Variants in FRYL observed in about 807,000 individuals in gnomAD.
The protein encoded by FRYL is protein furry homolog-like.
A neutral mutation model predicts 351.2 loss-of-function variants in FRYL; 150 were observed. That is an observed-to-expected ratio of 0.43 (90% CI 0.37 to 0.49). The LOEUF (loss-of-function observed/expected upper bound fraction) is 0.49. Among genes scored for constraint, FRYL ranks in the 20% least tolerant of loss-of-function variants. The probability of loss-of-function intolerance (pLI) is 0.00; values close to 1 mark genes in which losing one functional copy is unlikely to be tolerated. For synonymous variants in FRYL, 1,153 were observed against 1,257.1 expected (o/e 0.92, Z 1.75); for missense variants, 3,036 against 3,619.3 (o/e 0.84, Z 4.13).
Position 48,619,277 on chromosome 4 carries a change from C to A in FRYL, c.408G>T (p.Lys136Asn). 1 of 1,595,412 alleles carries A rather than the reference C, an allele frequency of 6.3e-7. No homozygotes were observed. Among genetic ancestry groups the A allele is most frequent in the Non-Finnish European group, 8.6e-7 (1 of 1,164,680 alleles). The change falls in exon 7 of 64, where the codon AAG (lysine) becomes AAT (asparagine). Residue 136 changes from lysine (K) to asparagine (N), a missense_variant. By Grantham distance (94) the Lys-to-Asn change is moderately conservative. This residue lies in a region of FRYL where 457 missense variants were observed against 566.6 expected (regional missense o/e 0.81). Transcript: ENST00000358350. ...TTGCAGAAATAAAAGAGCTTACCTG[C>A]TTTAGAACTTCAACTAAAACTAAAC... Reference protein sequence around the residue: ...IFCLVLVEVLKQIPVHPVPDP... With the variant: ...IFCLVLVEVLNQIPVHPVPDP...
intron 1 of FRYL, among the ~76,000 whole-genome samples, chr4:48,778,583 C>G (rs1315397025): frequency 6.6e-6 from 1 of 152,186 alleles, no homozygotes; most frequent in African/African-American, 2.4e-5. Flanking sequence ...CTTATGAAAA[C>G]ATTCTTCACT....
chr4:48,529,907 T>C (rs1226276750), intron 50 of FRYL, among the ~76,000 whole-genome samples: 1 of 152,212 alleles, frequency 6.6e-6, no homozygotes, highest in Non-Finnish European at 1.5e-5. Flanking sequence ...CCTTCTGGAC[T>C]GATGGCCCCT....
intron 1 of FRYL, among the ~76,000 whole-genome samples, chr4:48,776,720 T>C (rs1161610253): frequency 4.6e-5 from 7 of 152,206 alleles, no homozygotes; most frequent in Admixed American, 3.9e-4. Context: ...TGTCACTATG[T>C]AACAATAGTT....
chr4:48,562,766 C>T (rs1735812737), intron 32 of FRYL, 123 bp downstream of exon 32: 15 of 608,676 alleles, frequency 2.5e-5, no homozygotes, highest in Non-Finnish European at 3.2e-5. Context: ...GCCTTGATAC[C>T]ATAACTTCTT....
At chr4:48,734,863 A>C (rs1317709190) in intron 1 of FRYL, among the ~76,000 whole-genome samples, 1 of 152,196 alleles carries the variant, frequency 6.6e-6, no homozygotes, top group Non-Finnish European at 1.5e-5. Flanking sequence ...AAACCATAAA[A>C]ACTCTAGAAG....
Position 48,575,215 on chromosome 4 carries a change from G to C in FRYL, c.2748C>G (p.Ser916=), listed in dbSNP as rs1450938168. 6.2e-7 allele frequency: 1 copy of C among 1,613,544 alleles called. No homozygotes were observed. Among genetic ancestry groups the C allele is most frequent in the Non-Finnish European group, 8.5e-7 (1 of 1,179,616 alleles). ...TCATTGGAACTATGTGCTTAAACAA[G>C]GATGAAGGGGATGGGATGCCAATAA... ...SKIIGIPSPS[S]LFKHIVPMMR... The change falls in exon 25 of 64, where the codon TCC becomes TCG. Residue 916 remains serine, a synonymous_variant. Coordinates refer to ENST00000358350, the MANE Select transcript of FRYL (RefSeq NM_015030.2).
intron 4 of FRYL, among the ~76,000 whole-genome samples, chr4:48,626,576 CTA>C (rs1161404178): frequency 6.6e-6 from 1 of 151,938 alleles, no homozygotes; most frequent in Middle Eastern, 3.2e-3. Flanking sequence ...CCCTAACTTA[CTA>C]TATATATTCA....
intron 47 of FRYL, among the ~76,000 whole-genome samples, chr4:48,539,713 T>C (rs187234612): frequency 6.6e-6 from 1 of 152,206 alleles, no homozygotes; most frequent in Admixed American, 6.5e-5. Context: ...GAGGCAGAAG[T>C]ATGGAAAAAG....
chr4:48,687,880 C>T (rs1427310855), intron 2 of FRYL, among the ~76,000 whole-genome samples: 1 of 152,060 alleles, frequency 6.6e-6, no homozygotes, highest in African/African-American at 2.4e-5. Context: ...GGAAAAACGA[C>T]TTAATTAGTA....
At chr4:48,756,045 G>C (rs927432704) in intron 1 of FRYL, among the ~76,000 whole-genome samples, 3 of 151,728 alleles carry the variant, frequency 2.0e-5, no homozygotes, top group African/African-American at 7.3e-5. Context: ...AACAGCCTGG[G>C]CAACACAGGG....
intron 1 of FRYL, among the ~76,000 whole-genome samples, chr4:48,764,476 A>G (rs1459617182): frequency 2.0e-5 from 3 of 151,608 alleles, no homozygotes; most frequent in Admixed American, 6.6e-5. Context: ...GGCTCCAGTG[A>G]GCCATGATCA....
intron 1 of FRYL, among the ~76,000 whole-genome samples, chr4:48,728,931 G>A (rs74647949): frequency 1.3e-5 from 2 of 152,230 alleles, no homozygotes; most frequent in South Asian, 4.1e-4. Flanking sequence ...ACCTCACCTG[G>A]GAAATGCAAG....
intron 3 of FRYL, among the ~76,000 whole-genome samples, chr4:48,668,374 A>G (rs1440957688): frequency 6.7e-6 from 1 of 150,226 alleles, no homozygotes; most frequent in Non-Finnish European, 1.5e-5. Context: ...GCAACACTCC[A>G]TCTCAAAAAA....
At position 48,551,476 on chromosome 4, in the gene FRYL, G is replaced by C. The variant is rs1159984768; in HGVS notation, c.4520+18C>G. The C allele has an allele frequency of 6.9e-7, 1 of 1,459,790 alleles. No homozygotes were observed. The highest frequency in any genetic ancestry group is 9.6e-7 in the Non-Finnish European group (1 of 1,045,210). 90.4% of individuals were successfully genotyped at this position (1,459,790 alleles called of 1,614,324 possible). A position where few individuals can be genotyped will look rare whatever the true frequency, so the allele number is the denominator to read the frequency against. ...TCTGTCAAACTGAAAGGCTAATACA[G>C]AACAGAGAAGTACTTACCTCTCTTC... On this transcript the variant is annotated intron_variant, in intron 37 of 63. Coordinates refer to ENST00000358350, the MANE Select transcript of FRYL (RefSeq NM_015030.2).
chr4:48,685,028 G>C (rs757539658), intron 2 of FRYL, among the ~76,000 whole-genome samples: 1 of 151,998 alleles, frequency 6.6e-6, no homozygotes, highest in Non-Finnish European at 1.5e-5. Context: ...ACCATTCCCA[G>C]CTTCAACAAT....
At chr4:48,775,350 A>G (rs1174293963) in intron 1 of FRYL, among the ~76,000 whole-genome samples, 1 of 152,272 alleles carries the variant, frequency 6.6e-6, no homozygotes, top group South Asian at 2.1e-4. Flanking sequence ...AACTTGTGAC[A>G]GATACAAACT....
At chr4:48,511,800 T>A (rs1489765271) in intron 57 of FRYL, among the ~76,000 whole-genome samples, 1 of 152,166 alleles carries the variant, frequency 6.6e-6, no homozygotes, top group Non-Finnish European at 1.5e-5. Context: ...TGCATTTAGC[T>A]GAGTCTTCCA....
At chr4:48,667,065 T>C (rs1761839763) in intron 3 of FRYL, among the ~76,000 whole-genome samples, 2 of 152,348 alleles carry the variant, frequency 1.3e-5, no homozygotes, top group South Asian at 4.1e-4. Flanking sequence ...AAGAATCATC[T>C]GAGATGGTCT....
chr4:48,622,313 A>T (rs1190744655), intron 5 of FRYL, among the ~76,000 whole-genome samples: 1 of 152,208 alleles, frequency 6.6e-6, no homozygotes, highest in Non-Finnish European at 1.5e-5. Flanking sequence ...TGATCTTATT[A>T]TAGTCTTATT....
Sources: allele counts gnomAD v4.1 joint callset (sites outside exome capture counted in the v4.1 genomes callset), GRCh38; gene constraint gnomAD v4.1.1; regional missense constraint gnomAD v4.1.1; transcripts MANE v1.5; gene names NCBI Gene and HGNC (gene_info 2026-07-23, HGNC 2026-07-21).